The following FOXR1 variants were observed in gnomAD, a reference collection of about 807,000 sequenced individuals.
The protein encoded by FOXR1 is forkhead box protein R1.
A neutral mutation model predicts 34.5 loss-of-function variants in FOXR1; 25 were observed. That is an observed-to-expected ratio of 0.72 (90% CI 0.53 to 1.01). The LOEUF (loss-of-function observed/expected upper bound fraction) is 1.01. Ranked by LOEUF, FOXR1 falls within the 50% of genes least tolerant of loss-of-function variation. The pLI is 0.00. For synonymous variants in FOXR1, 153 were observed against 141.6 expected, an observed-to-expected ratio of 1.08 and a Z score of -0.57; for missense variants, 373 against 376.2, an observed-to-expected ratio of 0.99 and a Z score of 0.07.
At chr11:118,980,088 A>G (rs552316980) in intron 4 of FOXR1, 1 of 437,660 alleles carries the variant, frequency 2.3e-6, no homozygotes, top group Admixed American at 2.7e-5. Context: ...AGGATTTTCC[A>G]TTTAGCTCAG....
At chr11:118,976,521 A>G (rs1013720662) in intron 1 of FOXR1, among the ~76,000 whole-genome samples, 1 of 152,236 alleles carries the variant, frequency 6.6e-6, no homozygotes, top group African/African-American at 2.4e-5. Flanking sequence ...GATTTAAGGC[A>G]GGAGTAGTGT....
intron 5 of FOXR1, among the ~76,000 whole-genome samples, chr11:118,980,961 C>T (rs556203244): frequency 6.6e-6 from 1 of 152,316 alleles, no homozygotes; most frequent in African/African-American, 2.4e-5. Context: ...AACTAAGGGG[C>T]AACTGGCCTT....
intron 5 of FOXR1, 114 bp downstream of exon 5, chr11:118,980,842 A>G: frequency 9.9e-7 from 1 of 1,008,726 alleles, no homozygotes; most frequent in Non-Finnish European, 1.4e-6. Context: ...CATCTTCTAT[A>G]GGAAACAGGG....
At chr11:118,974,326 C>T (rs1941752683) in intron 1 of FOXR1, among the ~76,000 whole-genome samples, 1 of 152,150 alleles carries the variant, frequency 6.6e-6, no homozygotes. Flanking sequence ...CACCTCAGTC[C>T]CCAAAGTAGC....
intron 1 of FOXR1, 43 bp downstream of exon 1, chr11:118,972,035 A>AG (rs67101852): frequency 1 from 1,499,513 of 1,499,630 alleles, 749,700 homozygotes; most frequent in Middle Eastern, 1. Flanking sequence ...GGCGTGGCGG[A>AG]GGGTGGCCTA....
intron 1 of FOXR1, among the ~76,000 whole-genome samples, chr11:118,973,927 G>A (rs1941747375): frequency 6.6e-6 from 1 of 151,142 alleles, no homozygotes; most frequent in South Asian, 2.1e-4. Flanking sequence ...CAAACTCCTG[G>A]CCTCAAGTGA....
chr11:118,976,827 A>C (rs1016894328), intron 1 of FOXR1, among the ~76,000 whole-genome samples: 1 of 152,182 alleles, frequency 6.6e-6, no homozygotes, highest in African/African-American at 2.4e-5. Context: ...ATTATTAATA[A>C]TGCTGATCAT....
rs782072466 is a variant in FOXR1, at chr11:118,979,575, G to A, written c.518G>A (p.Arg173Gln). 8.7e-6 allele frequency: 14 copies of A among 1,612,816 alleles called. No homozygotes were observed. The highest frequency in any genetic ancestry group is 5.3e-5 in the African/African-American group (4 of 74,906). ...ASSQAGRLWS[R>Q]PPLNYFHLIA... The stretch of plus-strand genomic sequence containing the variant: ...AGCCAGGCGGGGAGGCTCTGGTCCC[G>A]GCCCCCTCTCAATTACTTCCACCTA... The change falls in exon 4 of 6, where the codon CGG becomes CAG. Residue 173 changes from arginine (R) to glutamine (Q), a missense_variant. Physicochemically the swap from Arg to Gln is conservative, Grantham distance 43. Coordinates refer to ENST00000317011, the MANE Select transcript of FOXR1 (RefSeq NM_181721.3).
At chr11:118,974,964 G>T (rs1429233045) in intron 1 of FOXR1, among the ~76,000 whole-genome samples, 2 of 152,252 alleles carry the variant, frequency 1.3e-5, no homozygotes, top group East Asian at 3.9e-4. Flanking sequence ...CATCCAAGTA[G>T]AAGCATTGAG....
rs564963938 is a variant in FOXR1, at chr11:118,973,142, T to C, written c.61+1150T>C. Among the ~76,000 whole-genome samples the C allele has an allele frequency of 5.9e-5, 9 of 152,286 alleles. No homozygotes were observed. In the East Asian group the frequency reaches 1.3e-3, roughly 23 times the overall value. ...TCCAACTCTTTGCCACCATAATTAA[T>C]GCTAATGAACATTCTTTCTTGTTTC... is the stretch of plus-strand genomic sequence containing the variant. On this transcript the variant is annotated intron_variant, in intron 1 of 5. Coordinates refer to ENST00000317011, the MANE Select transcript of FOXR1 (RefSeq NM_181721.3).
At position 118,971,893 on chromosome 11, in the gene FOXR1, C is replaced by T. The variant is rs951250789; in HGVS notation, c.-39C>T. 9 of 1,550,692 alleles carry T rather than the reference C, an allele frequency of 5.8e-6. No individual in the cohort carries two copies. The Admixed American group carries it at 1.2e-4, about 20-fold the overall frequency. On this transcript the variant is annotated 5_prime_UTR_variant, in exon 1 of 6. Coordinates refer to ENST00000317011, the MANE Select transcript of FOXR1 (RefSeq NM_181721.3). ...GCTCCAACACCTCGACTTCTGGGCC[C>T]GCCTCCATGGCCAGGTCCCGGGACT...
chr11:118,978,106 T>C (rs1176170808), intron 1 of FOXR1, among the ~76,000 whole-genome samples: 2 of 151,998 alleles, frequency 1.3e-5, no homozygotes, highest in Non-Finnish European at 2.9e-5. Context: ...TAGTCCCAGC[T>C]TCTTGGGAGG....
At chr11:118,976,444 C>T (rs534559208) in intron 1 of FOXR1, among the ~76,000 whole-genome samples, 18 of 152,222 alleles carry the variant, frequency 1.2e-4, no homozygotes, top group African/African-American at 3.4e-4. Context: ...CCAAGCAATC[C>T]GCCTGCCTAA....
intron 1 of FOXR1, among the ~76,000 whole-genome samples, 188 bp downstream of exon 1, chr11:118,972,180 G>A (rs1941717137): frequency 7.2e-6 from 1 of 139,266 alleles, no homozygotes; most frequent in South Asian, 2.4e-4. Flanking sequence ...ACCCCCACTC[G>A]CGAACTCTAC....
At chr11:118,979,303 A>C (rs940472311) in intron 3 of FOXR1, 99 bp downstream of exon 3, 65 of 1,495,884 alleles carry the variant, frequency 4.3e-5, no homozygotes, top group Non-Finnish European at 5.4e-5. Context: ...GCAAAAGGTG[A>C]ATGGGTTCAG....
intron 4 of FOXR1, chr11:118,980,245 T>G: frequency 1.5e-6 from 1 of 669,592 alleles, no homozygotes; most frequent in Non-Finnish European, 2.7e-6. Flanking sequence ...CTTGGCCTGA[T>G]TCTGCTTTGT....
Position 118,979,190 on chromosome 11 carries a change from C to G in FOXR1, c.370C>G (p.Pro124Ala). ...SPPRKRFAFS[P>A]STWELTEEEE... is the part of the protein sequence containing the mutation. ...CCCTCGGAAGCGGTTTGCCTTTTCC[C>G]CCAGCACCTGGGAGGTATGCATTTT... Residue 124 changes from proline (P) to alanine (A), a missense_variant, in exon 3 of 6, where the codon CCC becomes GCC. By Grantham distance (27) the Pro-to-Ala change is conservative. Coordinates refer to ENST00000317011, the MANE Select transcript of FOXR1 (RefSeq NM_181721.3). The G allele has an allele frequency of 6.5e-7, 1 of 1,528,300 alleles. No individual in the cohort carries two copies. The highest frequency in any genetic ancestry group is 1.4e-5 in the African/African-American group (1 of 72,074). 94.7% of individuals were successfully genotyped at this position (1,528,300 alleles called of 1,614,324 possible).
In FOXR1 at chr11:118,980,486, A is replaced by G. The variant is rs369411975; in HGVS notation, c.612-4A>G. 9 of 1,613,986 alleles carry G rather than the reference A, an allele frequency of 5.6e-6. No individual in the cohort carries two copies. Among genetic ancestry groups the G allele is most frequent in the South Asian group, 3.3e-5 (3 of 91,076 alleles). On this transcript the variant is annotated splice_polypyrimidine_tract_variant and splice_region_variant and intron_variant, in intron 4 of 5. Transcript: ENST00000317011. ...CTTTCCTTACCTCTCCTCCCTGTCC[A>G]TAGAAAGCACTTCCCCTTTTTCCGG... is the stretch of plus-strand genomic sequence containing the variant.
In FOXR1 at chr11:118,978,954, C is replaced by T. The variant is rs782633580; in HGVS notation, c.137-3C>T. Reference sequence around the variant, plus strand: ...GTGGCACACAATCTTTTGTTCTGCACAGGTCCAGATTATGAGCCCAACCTC... The same window carrying T: ...GTGGCACACAATCTTTTGTTCTGCATAGGTCCAGATTATGAGCCCAACCTC... On this transcript the variant is annotated splice_region_variant and splice_polypyrimidine_tract_variant and intron_variant, in intron 2 of 5. Coordinates refer to ENST00000317011, the MANE Select transcript of FOXR1 (RefSeq NM_181721.3). 3.7e-6 allele frequency: 6 copies of T among 1,611,232 alleles called. No homozygotes were observed. The highest frequency in any genetic ancestry group is 5.1e-6 in the Non-Finnish European group (6 of 1,178,400).
Sources: allele counts gnomAD v4.1 joint callset (sites outside exome capture counted in the v4.1 genomes callset), GRCh38; gene constraint gnomAD v4.1.1; transcripts MANE v1.5; gene names NCBI Gene and HGNC (gene_info 2026-07-23, HGNC 2026-07-21).